TUT4: variants seen among roughly 807,000 people sequenced by gnomAD.
The protein encoded by TUT4 is terminal uridylyltransferase 4.
TUT4 carries 36 observed loss-of-function variants against 192.2 expected under a neutral mutation model. The ratio of observed to expected loss-of-function variants is 0.19; its 90% CI spans 0.14 to 0.25. TUT4 has a LOEUF of 0.25. Among genes scored for constraint, TUT4 ranks in the 10% least tolerant of loss-of-function variants. The probability of loss-of-function intolerance (pLI) is 1.00; values close to 1 mark genes in which losing one functional copy is unlikely to be tolerated. For synonymous variants in TUT4, 618 were observed against 666.0 expected (o/e 0.93, Z 1.11); for missense variants, 1,493 against 1,957.2 (o/e 0.76, Z 4.47).
intron 6 of TUT4, 138 bp from the exon 7 acceptor site, chr1:52,493,800 G>A (rs897998297): frequency 2.5e-5 from 16 of 634,400 alleles, no homozygotes; most frequent in East Asian, 1.6e-4. Flanking sequence ...AAACAGAATC[G>A]TGTTTTTTTT....
chr1:52,540,713 C>T (rs773223148), intron 1 of TUT4, among the ~76,000 whole-genome samples: 1 of 152,212 alleles, frequency 6.6e-6, no homozygotes, highest in Admixed American at 6.5e-5. Context: ...CTACAAGAAA[C>T]ATGACTCCCA....
chr1:52,520,782 C>T (rs1680031554), intron 2 of TUT4, among the ~76,000 whole-genome samples: 1 of 151,932 alleles, frequency 6.6e-6, no homozygotes, highest in Non-Finnish European at 1.5e-5. Context: ...ACTTAACTTA[C>T]TCTCTATATT....
intron 13 of TUT4, among the ~76,000 whole-genome samples, chr1:52,474,420 G>C (rs988865230): frequency 6.6e-6 from 1 of 151,920 alleles, no homozygotes; most frequent in Non-Finnish European, 1.5e-5. Context: ...TATCTTTAAA[G>C]TAGAATACTA....
chr1:52,463,129 T>C (rs1663085200), intron 16 of TUT4: 1 of 982,792 alleles, frequency 1.0e-6, no homozygotes, highest in Non-Finnish European at 1.2e-6. Context: ...TTTATTATTT[T>C]CATTGTTTCA....
intron 5 of TUT4, among the ~76,000 whole-genome samples, chr1:52,496,306 G>A (rs1557849149): frequency 6.6e-6 from 1 of 151,954 alleles, no homozygotes; most frequent in Non-Finnish European, 1.5e-5. Flanking sequence ...ATTTTTACAT[G>A]TAACTTAAAC....
intron 1 of TUT4, among the ~76,000 whole-genome samples, chr1:52,534,624 G>A (rs835037): frequency 2.2e-4 from 33 of 151,734 alleles, no homozygotes; most frequent in African/African-American, 7.3e-4. Context: ...AGATTGAGGC[G>A]GGAGGATCAT....
intron 16 of TUT4, chr1:52,462,813 G>C (rs1173177723): frequency 1.0e-6 from 1 of 985,136 alleles, no homozygotes; most frequent in Non-Finnish European, 1.2e-6. Context: ...AGACAGCAGA[G>C]TTGGTATGGT....
At chr1:52,442,413 C>T (rs1161229983) in intron 24 of TUT4, among the ~76,000 whole-genome samples, 1 of 152,122 alleles carries the variant, frequency 6.6e-6, no homozygotes, top group Non-Finnish European at 1.5e-5. Flanking sequence ...GTTATAATCT[C>T]AGTAACTAGG....
intron 12 of TUT4, among the ~76,000 whole-genome samples, chr1:52,477,283 TA>T (rs766289024): frequency 2.0e-5 from 3 of 152,064 alleles, no homozygotes; most frequent in Non-Finnish European, 4.4e-5. Context: ...TCTAAATAAA[TA>T]ATGAAGGCCA....
At chr1:52,530,256 C>G (rs1262309853) in intron 1 of TUT4, among the ~76,000 whole-genome samples, 1 of 49,446 alleles carries the variant, frequency 2.0e-5, no homozygotes, top group African/African-American at 9.7e-5. Context: ...GAGACTCCAT[C>G]TCAAAAAAAA....
intron 20 of TUT4, among the ~76,000 whole-genome samples, chr1:52,456,319 C>T (rs1660919166): frequency 7.1e-6 from 1 of 140,970 alleles, no homozygotes; most frequent in Admixed American, 7.6e-5. Context: ...AAGAGAATTG[C>T]TTTAATCGCT....
chr1:52,429,586 T>TTTTA (rs1279513999), intron 28 of TUT4, among the ~76,000 whole-genome samples: 2 of 150,716 alleles, frequency 1.3e-5, no homozygotes, highest in Non-Finnish European at 3.0e-5. Flanking sequence ...TTTTTTTTAA[T>TTTTA]TTTATTTATT....
chr1:52,462,175 C>CTTTTTTTTTTTTTTTTTTT (rs1210058850), intron 16 of TUT4: 1 of 121,060 alleles, frequency 8.3e-6, no homozygotes. Context: ...GGATTCAAAT[C>CTTTTTTTTTTTTTTTTTTT]TTTTTTTTTT....
At chr1:52,461,683 G>C (rs1291315394) in intron 17 of TUT4, 29 bp downstream of exon 17, 1 of 1,536,636 alleles carries the variant, frequency 6.5e-7, no homozygotes, top group African/African-American at 1.4e-5. Context: ...AATTTATTTT[G>C]TTTTACAGAT....
upstream of TUT4, chr1:52,553,366 A>C (rs1273887142): frequency 1.1e-5 from 1 of 95,060 alleles, no homozygotes. Context: ...CACTGGGGGG[A>C]GGGGTCTCGT....
At position 52,474,896 on chromosome 1, in the gene TUT4, T is replaced by A; in HGVS notation, c.2663A>T (p.Asp888Val). The change falls in exon 13 of 30, where the codon GAT (aspartate) becomes GTT (valine). Residue 888 changes from aspartate (D) to valine (V), a missense_variant. This residue lies in a region of TUT4 where 245 missense variants were observed against 218.4 expected (regional missense o/e 1.12). Transcript: ENST00000257177. Reference protein sequence around the residue: ...ATEDASDLNDDDNLPTQELYY... With the variant: ...ATEDASDLNDVDNLPTQELYY... ...TAATTCCTGGGTGGGGAGGTTATCA[T>A]CATCATTAAGGTCAGAAGCATCTTC... 1.2e-6 allele frequency: 2 copies of A among 1,613,948 alleles called. No individual in the cohort carries two copies. The highest frequency in any genetic ancestry group is 1.3e-5 in the African/African-American group (1 of 75,052).
chr1:52,523,136 G>A (rs957769503), intron 2 of TUT4, among the ~76,000 whole-genome samples: 1 of 151,120 alleles, frequency 6.6e-6, no homozygotes, highest in East Asian at 2.0e-4. Flanking sequence ...TAGATTACAG[G>A]CATGTGCCAC....
rs1379589282 is a variant in TUT4 at position 52,461,988 on chromosome 1, C to A, written c.3070-219G>T. ...GAGGACCCTCCCCAGTCTACTAAAT[C>A]ATAATCTGCATTTTAACAGGATCCC... On this transcript the variant is annotated intron_variant, in intron 16 of 29. Coordinates refer to ENST00000257177, the MANE Select transcript of TUT4 (RefSeq NM_001009881.3). 13 of 367,396 alleles carry A rather than the reference C, an allele frequency of 3.5e-5. No homozygotes were observed. In the Admixed American group the frequency reaches 4.9e-4, roughly 14 times the overall value. The allele number at this position is 367,396 out of a possible 1,614,324, so 22.8% of individuals were successfully genotyped here.
At chr1:52,553,277 G>A (rs906038450), upstream of TUT4, among the ~76,000 whole-genome samples, 11 of 150,302 alleles carry the variant, frequency 7.3e-5, no homozygotes, top group African/African-American at 2.5e-4. Context: ...CAGAGGGAAG[G>A]GTTCAGGGGT....
Sources: allele counts gnomAD v4.1 joint callset (sites outside exome capture counted in the v4.1 genomes callset), GRCh38; gene constraint gnomAD v4.1.1; regional missense constraint gnomAD v4.1.1; transcripts MANE v1.5; gene names NCBI Gene and HGNC (gene_info 2026-07-23, HGNC 2026-07-21).